PEX14: variants seen among roughly 807,000 people sequenced by gnomAD.
PEX14 encodes peroxisomal membrane protein PEX14.
In PEX14, 15 loss-of-function variants were observed where a neutral mutation model predicts 49.5. That is an observed-to-expected ratio of 0.30 (90% confidence interval 0.20 to 0.47). The LOEUF is 0.47. PEX14 is among the 20% of genes least tolerant of loss of function. PEX14 has a pLI of 1.00. For synonymous variants in PEX14, 210 were observed against 212.7 expected, an observed-to-expected ratio of 0.99 and a Z score of 0.11; for missense variants, 398 against 494.8, an observed-to-expected ratio of 0.80 and a Z score of 1.86.
chr1:10,500,236 C>T (rs949900149), intron 2 of PEX14, among the ~76,000 whole-genome samples: 1 of 147,190 alleles, frequency 6.8e-6, no homozygotes, highest in African/African-American at 2.6e-5. Flanking sequence ...AACCCCGTCT[C>T]TACTTAAAAA....
At chr1:10,538,696 G>A (rs571464390) in intron 3 of PEX14, among the ~76,000 whole-genome samples, 7 of 152,380 alleles carry the variant, frequency 4.6e-5, no homozygotes, top group African/African-American at 1.2e-4. Context: ...CACCGTCTCC[G>A]ATGGGGATGA....
At chr1:10,498,086 C>T (rs1023456725) in intron 2 of PEX14, among the ~76,000 whole-genome samples, 18 of 152,256 alleles carry the variant, frequency 1.2e-4, no homozygotes, top group African/African-American at 3.4e-4. Context: ...TTGAGACCAG[C>T]CTGCACAAAA....
intron 3 of PEX14, among the ~76,000 whole-genome samples, chr1:10,543,478 G>T (rs1292156630): frequency 6.6e-6 from 1 of 152,164 alleles, no homozygotes; most frequent in Non-Finnish European, 1.5e-5. Flanking sequence ...TGGGCACAGA[G>T]AGAAAAGAGC....
intron 5 of PEX14, among the ~76,000 whole-genome samples, chr1:10,621,567 G>A (rs867954483): frequency 1.1e-4 from 16 of 151,996 alleles, no homozygotes; most frequent in African/African-American, 3.1e-4. Context: ...GGCTGGTCTC[G>A]AACGCCTGAC....
intron 4 of PEX14, among the ~76,000 whole-genome samples, chr1:10,616,519 C>T (rs142214332): frequency 5.8e-4 from 89 of 152,268 alleles, no homozygotes; most frequent in Middle Eastern, 6.8e-3. Context: ...ACTGTGGGGG[C>T]GCCTTCCGGA....
intron 1 of PEX14, among the ~76,000 whole-genome samples, chr1:10,483,897 G>A (rs939091782): frequency 4.7e-5 from 7 of 148,318 alleles, no homozygotes; most frequent in Non-Finnish European, 1.0e-4. Flanking sequence ...TTACTATAGA[G>A]TATATTTGTC....
chr1:10,589,964 G>A (rs1340682926), intron 3 of PEX14, among the ~76,000 whole-genome samples: 1 of 152,206 alleles, frequency 6.6e-6, no homozygotes, highest in African/African-American at 2.4e-5. Context: ...AGTCAGAGAT[G>A]TCAGTGTTAC....
intron 3 of PEX14, among the ~76,000 whole-genome samples, chr1:10,544,840 CAGCCT>C (rs1639121889): frequency 6.6e-6 from 1 of 152,086 alleles, no homozygotes; most frequent in African/African-American, 2.4e-5. Context: ...CGGTTCACTG[CAGCCT>C]TGACCTCCCC....
chr1:10,624,292 G>A lies in PEX14; in HGVS notation c.488-48G>A, dbSNP rs771133165. On this transcript the variant is annotated intron_variant, in intron 6 of 8. Coordinates refer to ENST00000356607, the MANE Select transcript of PEX14 (RefSeq NM_004565.3). ...GGTGTGCGGACCGAGCGAGGGGAAC[G>A]TCTGTGCCTGTGAATTTGCCAGCGC... The A allele has an allele frequency of 4.0e-5, 49 of 1,222,500 alleles. No individual in the cohort carries two copies. In the Middle Eastern group the frequency reaches 5.6e-4, roughly 14 times the overall value. The allele number at this position is 1,222,500 out of a possible 1,614,324, so 75.7% of individuals were successfully genotyped here.
intron 3 of PEX14, among the ~76,000 whole-genome samples, chr1:10,550,579 G>A (rs1054092545): frequency 2.6e-5 from 4 of 152,186 alleles, no homozygotes; most frequent in Non-Finnish European, 5.9e-5. Flanking sequence ...GAGATGATAC[G>A]GTACAGACTG....
intron 3 of PEX14, among the ~76,000 whole-genome samples, chr1:10,575,866 G>A (rs935170321): frequency 6.6e-6 from 1 of 152,096 alleles, no homozygotes; most frequent in East Asian, 1.9e-4. Context: ...TTTCTGAATA[G>A]GGCATAGTAG....
chr1:10,534,713 G>A (rs377643399), intron 2 of PEX14, among the ~76,000 whole-genome samples: 2 of 152,112 alleles, frequency 1.3e-5, no homozygotes, highest in Non-Finnish European at 2.9e-5. Flanking sequence ...TAATCTGTGC[G>A]GAGCTGGGCT....
chr1:10,588,879 G>A (rs1370390894), intron 3 of PEX14, among the ~76,000 whole-genome samples: 1 of 152,100 alleles, frequency 6.6e-6, no homozygotes, highest in Non-Finnish European at 1.5e-5. Flanking sequence ...ATATGCTGAG[G>A]TTGCTAAAAT....
intron 1 of PEX14, among the ~76,000 whole-genome samples, chr1:10,487,116 T>C (rs915652262): frequency 9.2e-5 from 14 of 152,236 alleles, no homozygotes; most frequent in African/African-American, 3.4e-4. Context: ...GTTGATTGAT[T>C]TTTGAAATGT....
intron 4 of PEX14, among the ~76,000 whole-genome samples, chr1:10,617,401 C>G (rs1304778012): frequency 2.0e-5 from 3 of 152,168 alleles, no homozygotes; most frequent in Admixed American, 1.3e-4. Context: ...CCCAGTAATT[C>G]CCATTGCTTA....
At chr1:10,577,550 ATATATATATATATTTTT>A (rs1640169104) in intron 3 of PEX14, among the ~76,000 whole-genome samples, 1 of 12,956 alleles carries the variant, frequency 7.7e-5, no homozygotes, top group African/African-American at 2.7e-4. Flanking sequence ...ATATATATAT[ATATATATATATATTTTT>A]TTTTTTTTTT....
intron 2 of PEX14, among the ~76,000 whole-genome samples, chr1:10,513,044 G>A (rs897228952): frequency 7.2e-5 from 11 of 152,182 alleles, no homozygotes; most frequent in Non-Finnish European, 1.0e-4. Context: ...GGCCTTCAGG[G>A]TGAGCCATCC....
chr1:10,627,209 AGCCGCAGGCCCCGCCCGT>A, intron 7 of PEX14, 45 bp from the exon 8 acceptor site: 1 of 1,108,974 alleles, frequency 9.0e-7, no homozygotes, highest in South Asian at 1.2e-5. Flanking sequence ...GTCCTCCTGC[AGCCGCAGGCCCCGCCCGT>A]GCCGCAAGGC....
chr1:10,518,143 C>A (rs186932726), intron 2 of PEX14, among the ~76,000 whole-genome samples: 231 of 151,986 alleles, frequency 1.5e-3, no homozygotes, highest in African/African-American at 5.3e-3. Flanking sequence ...TCGCTCTCCT[C>A]TCCTTAAAAA....
Sources: gnomAD v4.1 joint callset for allele counts (sites outside exome capture counted in the v4.1 genomes callset) on GRCh38, gnomAD v4.1.1 for gene constraint, MANE v1.5 for transcripts, NCBI Gene and HGNC (gene_info 2026-07-23, HGNC 2026-07-21) for gene names.